The following TRPV3 variants were observed in gnomAD, a reference collection of about 807,000 sequenced individuals.
TRPV3 encodes the protein transient receptor potential cation channel subfamily V member 3, also known as VRL-3.
In TRPV3, 88 loss-of-function variants were observed where a neutral mutation model predicts 87.1. That is an observed-to-expected ratio of 1.01 (90% CI 0.85 to 1.21). The LOEUF (loss-of-function observed/expected upper bound fraction) is 1.21, where lower values mean the gene tolerates loss of function less well. TRPV3 is among the 50% of genes most tolerant of loss of function. TRPV3 has a pLI of 0.00. For missense variants in TRPV3, 1,054 were observed against 1,030.1 expected (o/e 1.02, Z -0.32); for synonymous variants, 438 against 423.3 (o/e 1.03, Z -0.43).
At chr17:3,525,060 C>T (rs950352455) in intron 12 of TRPV3, among the ~76,000 whole-genome samples, 22 of 152,150 alleles carry the variant, frequency 1.4e-4, no homozygotes, top group African/African-American at 3.4e-4. Flanking sequence ...TGCTCTGTCA[C>T]CTAGGCTGGA....
intron 4 of TRPV3, 132 bp downstream of exon 4, chr17:3,544,447 C>T (rs1401241688): frequency 1.7e-6 from 1 of 598,536 alleles, no homozygotes; most frequent in African/African-American, 1.9e-5. Flanking sequence ...ATGCCATGGA[C>T]CCATGACTCC....
chr17:3,519,088 G>A (rs746880338), intron 14 of TRPV3, among the ~76,000 whole-genome samples: 4 of 152,172 alleles, frequency 2.6e-5, no homozygotes, highest in Non-Finnish European at 5.9e-5. Context: ...TTACCCCGCA[G>A]TCTGCCCTTG....
chr17:3,557,513 C>T lies in TRPV3; in HGVS notation c.-3+163G>A, dbSNP rs1047963811. ...GAGTGCAGCCAAGAGTGCCTCCCTACAGCCAAGAGTGGGCCCCTGGCTGGG... is the reference window on the plus strand; with the variant it reads ...GAGTGCAGCCAAGAGTGCCTCCCTATAGCCAAGAGTGGGCCCCTGGCTGGG... On this transcript the variant is annotated intron_variant, in intron 1 of 17. Transcript: ENST00000576742. The surrounding 1 kb of genome is among the most constrained non-coding windows in gnomAD (Gnocchi z 4.5). Among the ~76,000 whole-genome samples the T allele has an allele frequency of 6.6e-6, 1 of 152,232 alleles. No homozygotes were observed. Among genetic ancestry groups the T allele is most frequent in the African/African-American group, 2.4e-5 (1 of 41,462 alleles).
intron 6 of TRPV3, among the ~76,000 whole-genome samples, chr17:3,541,625 A>C (rs1417533439): frequency 6.6e-6 from 1 of 152,204 alleles, no homozygotes; most frequent in African/African-American, 2.4e-5. Flanking sequence ...CACAAAACTG[A>C]GACCCAAATG....
At chr17:3,551,129 C>T (rs73319042) in intron 2 of TRPV3, among the ~76,000 whole-genome samples, 10,771 of 152,206 alleles carry the variant, frequency 0.071, 1,199 homozygotes, top group African/African-American at 0.23. Context: ...GGAAAAGCCC[C>T]GAAGGCAGAA....
At position 3,556,194 on chromosome 17, in the gene TRPV3, A is replaced by AT. The variant is rs1407111723; in HGVS notation, c.-2-1343_-2-1342insA. 1.3e-5 allele frequency among the ~76,000 whole-genome samples: 2 copies of AT among 151,696 alleles called. No individual in the cohort carries two copies. Among genetic ancestry groups the AT allele is most frequent in the African/African-American group, 4.9e-5 (2 of 41,234 alleles). On this transcript the variant is annotated intron_variant, in intron 1 of 17. Coordinates refer to ENST00000576742, the MANE Select transcript of TRPV3 (RefSeq NM_145068.4). This position sits in a 1 kb window ranked among gnomAD's most constrained non-coding sequence, Gnocchi z 4.2. ...TCCGTCTCAAAAAAAATGAAAAAAA[A>AT]AAAAAATAAAGTTTTTATTAAACAT...
At chr17:3,522,690 G>A (rs1353132556) in intron 13 of TRPV3, among the ~76,000 whole-genome samples, 14 of 151,634 alleles carry the variant, frequency 9.2e-5, no homozygotes, top group Non-Finnish European at 1.6e-4. Flanking sequence ...CATGGTGCAT[G>A]CCTGTAGTCC....
At chr17:3,534,414 A>C (rs1430275197) in intron 7 of TRPV3, among the ~76,000 whole-genome samples, 5 of 152,106 alleles carry the variant, frequency 3.3e-5, no homozygotes, top group African/African-American at 4.8e-5. Context: ...AATAAAAAAA[A>C]TAACACCCAG....
intron 12 of TRPV3, 149 bp downstream of exon 12, chr17:3,526,705 G>GA (rs1483845088): frequency 1.5e-6 from 1 of 652,724 alleles, no homozygotes; most frequent in Non-Finnish European, 2.7e-6. Flanking sequence ...CTAGGAGGAA[G>GA]AGAGGAGACC....
intron 15 of TRPV3, among the ~76,000 whole-genome samples, chr17:3,517,393 G>C (rs144937122): frequency 9.9e-5 from 15 of 152,144 alleles, no homozygotes; most frequent in African/African-American, 3.6e-4. Flanking sequence ...TGAGGCGGGC[G>C]AATCGCTTTG....
chr17:3,532,931 G>A lies in TRPV3; in HGVS notation c.791C>T (p.Thr264Met), dbSNP rs4790513. Residue 264 changes from threonine to methionine, a missense_variant, in exon 8 of 18, where the codon ACG becomes ATG. Transcript: ENST00000576742. The stretch of plus-strand genomic sequence containing the variant: ...GGTGCATGCTGCCAGGGCCAGGGGC[G>A]TCTCACCTGGGGGATGAGCGCACTG... ...YQHEGFYFGE[T>M]PLALAACTNQ... 1.5e-5 allele frequency: 24 copies of A among 1,613,756 alleles called. No homozygotes were observed. Among genetic ancestry groups the A allele is most frequent in the South Asian group, 8.8e-5 (8 of 91,080 alleles).
intron 12 of TRPV3, among the ~76,000 whole-genome samples, chr17:3,526,484 A>T (rs1476806073): frequency 8.0e-6 from 1 of 124,810 alleles, no homozygotes; most frequent in Non-Finnish European, 1.5e-5. Flanking sequence ...ACCTCAACTA[A>T]AAAAAAAAAA....
Position 3,545,456 on chromosome 17 carries a change from G to A in TRPV3, c.120-185C>T, listed in dbSNP as rs1222171672. Among the ~76,000 whole-genome samples, 7 of 152,276 alleles carry A rather than the reference G, an allele frequency of 4.6e-5. No individual in the cohort carries two copies. The South Asian group carries it at 6.2e-4, about 14-fold the overall frequency. On this transcript the variant is annotated intron_variant, in intron 2 of 17. Transcript: ENST00000576742. Reference sequence around the variant, plus strand: ...GATGGACACTGTCATTATCACCTACGTTTCACAGATGGTCTCCAGGGAGCT... The same window carrying A: ...GATGGACACTGTCATTATCACCTACATTTCACAGATGGTCTCCAGGGAGCT...
In TRPV3 at chr17:3,532,638, C is replaced by G; in HGVS notation, c.1065+19G>C. The G allele has an allele frequency of 1.9e-6, 3 of 1,612,280 alleles. No homozygotes were observed. Among genetic ancestry groups the G allele is most frequent in the Non-Finnish European group, 2.5e-6 (3 of 1,179,146 alleles). ...CCTGACCTCCCGACCTCCTGCCTCCCCACGCCCCATGGCCCCACCTCCGCC... is the reference window on the plus strand; with the variant it reads ...CCTGACCTCCCGACCTCCTGCCTCCGCACGCCCCATGGCCCCACCTCCGCC... On this transcript the variant is annotated intron_variant, in intron 8 of 17. Coordinates refer to ENST00000576742, the MANE Select transcript of TRPV3 (RefSeq NM_145068.4).
intron 12 of TRPV3, among the ~76,000 whole-genome samples, chr17:3,525,568 T>TA (rs911284325): frequency 2.6e-5 from 4 of 152,118 alleles, no homozygotes; most frequent in South Asian, 2.1e-4. Context: ...TTTCTACGCT[T>TA]AAAAAATGGG....
rs141061726 is a variant in TRPV3 at position 3,528,012 on chromosome 17, G to C, written c.1503+13C>G. ...TCGCGGGGCGGTCTGGAAGGGCCGGGTGGCCCACTTACCTCTTTCACAGAG... is the reference window on the plus strand; with the variant it reads ...TCGCGGGGCGGTCTGGAAGGGCCGGCTGGCCCACTTACCTCTTTCACAGAG... On this transcript the variant is annotated intron_variant, in intron 11 of 17. Coordinates refer to ENST00000576742, the MANE Select transcript of TRPV3 (RefSeq NM_145068.4). The surrounding 1 kb of genome is among the most constrained non-coding windows in gnomAD (Gnocchi z 4.2). The C allele has an allele frequency of 3.8e-3, 6,041 of 1,602,212 alleles. 162 individuals carry two copies. The East Asian group carries it at 0.054, about 14-fold the overall frequency.
Position 3,516,539 on chromosome 17 carries a change from T to A in TRPV3, c.2116A>T (p.Met706Leu). The A allele has an allele frequency of 6.2e-7, 1 of 1,614,020 alleles. No individual in the cohort carries two copies. The highest frequency in any genetic ancestry group is 2.2e-5 in the East Asian group (1 of 44,882). ...RARTILEFEK[M>L]LPEWLRSRFR... ...CTGCTCCTCAGCCATTCTGGTAACA[T>A]TTTCTCAAACTCCAAGATGGTCCTG... is the stretch of plus-strand genomic sequence containing the variant. Residue 706 changes from methionine to leucine, a missense_variant, in exon 16 of 18, where the codon ATG becomes TTG. Coordinates refer to ENST00000576742, the MANE Select transcript of TRPV3 (RefSeq NM_145068.4).
intron 2 of TRPV3, among the ~76,000 whole-genome samples, chr17:3,551,870 C>CTTTTTTTTTTTTTTTTTTTTTTTTTTTT (rs747932928): frequency 2.3e-5 from 1 of 43,362 alleles, no homozygotes; most frequent in Non-Finnish European, 4.2e-5. Flanking sequence ...GTAATTTATT[C>CTTTTTTTTTTTTTTTTTTTTTTTTTTTT]TTTTTTTTTT....
At chr17:3,514,722 A>G (rs747434003) in intron 16 of TRPV3, 50 bp from the exon 17 acceptor site, 1 of 1,414,784 alleles carries the variant, frequency 7.1e-7, no homozygotes, top group Non-Finnish European at 1.0e-6. Context: ...CTCACTGAGT[A>G]CTAACAAATA....
Sources: allele counts gnomAD v4.1 joint callset (sites outside exome capture counted in the v4.1 genomes callset), GRCh38; gene constraint gnomAD v4.1.1; non-coding constraint Gnocchi (gnomAD v3.1); transcripts MANE v1.5; gene names NCBI Gene and HGNC (gene_info 2026-07-23, HGNC 2026-07-21).